AASS: variants seen among roughly 807,000 people sequenced by gnomAD.
AASS encodes alpha-aminoadipic semialdehyde synthase, mitochondrial.
Under a neutral mutation model 105.4 loss-of-function variants are expected in AASS, and 86 were observed. The observed-to-expected ratio is 0.82, with a 90% CI of 0.69 to 0.98. The LOEUF (loss-of-function observed/expected upper bound fraction) is 0.98, where lower values mean the gene tolerates loss of function less well. Among genes scored for constraint, AASS ranks in the 50% least tolerant of loss-of-function variants. AASS has a pLI of 0.00. For missense variants in AASS, 1,048 were observed against 1,143.2 expected (o/e 0.92, Z 1.20); for synonymous variants, 381 against 394.8 (o/e 0.96, Z 0.41).
chr7:122,128,175 C>G (rs1167945303), intron 3 of AASS, among the ~76,000 whole-genome samples: 1 of 152,190 alleles, frequency 6.6e-6, no homozygotes, highest in Non-Finnish European at 1.5e-5. Context: ...ACTTTCTCTT[C>G]CACCATTTCT....
chr7:122,087,957 G>A (rs544811703), intron 18 of AASS, among the ~76,000 whole-genome samples: 24 of 152,226 alleles, frequency 1.6e-4, no homozygotes, highest in African/African-American at 5.5e-4. Flanking sequence ...AATGGCAGGT[G>A]GCTAAGCAAC....
chr7:122,104,948 A>G (rs888574321), intron 11 of AASS, among the ~76,000 whole-genome samples: 1 of 152,084 alleles, frequency 6.6e-6, no homozygotes, highest in Non-Finnish European at 1.5e-5. Context: ...AAAGAGAAAA[A>G]AAAAATAAGC....
At chr7:122,087,580 G>C (rs1031343956) in intron 18 of AASS, among the ~76,000 whole-genome samples, 9 of 152,092 alleles carry the variant, frequency 5.9e-5, no homozygotes, top group African/African-American at 2.2e-4. Flanking sequence ...GCAAATGTTG[G>C]GCATGATGGT....
intron 8 of AASS, among the ~76,000 whole-genome samples, chr7:122,116,080 T>C (rs1323916700): frequency 6.6e-6 from 1 of 152,220 alleles, no homozygotes; most frequent in Non-Finnish European, 1.5e-5. Context: ...CCAATGACTA[T>C]AGAGCACACA....
chr7:122,077,708 G>T, intron 23 of AASS, 130 bp downstream of exon 23: 2 of 1,200,492 alleles, frequency 1.7e-6, no homozygotes, highest in Non-Finnish European at 2.5e-6. Flanking sequence ...GTCCGCGCTT[G>T]GATCTTCTAA....
At chr7:122,100,854 C>G (rs917890638) in intron 13 of AASS, among the ~76,000 whole-genome samples, 3 of 151,800 alleles carry the variant, frequency 2.0e-5, no homozygotes, top group Admixed American at 6.6e-5. Context: ...GGCACCTTCC[C>G]CCTAATAAGA....
chr7:122,109,224 G>A (rs1794818503), intron 11 of AASS, among the ~76,000 whole-genome samples: 1 of 123,164 alleles, frequency 8.1e-6, no homozygotes, highest in African/African-American at 3.3e-5. Flanking sequence ...ACTACCCAAA[G>A]CAATCTACCA....
chr7:122,094,129 A>C (rs1794032767), intron 15 of AASS, among the ~76,000 whole-genome samples: 1 of 152,140 alleles, frequency 6.6e-6, no homozygotes, highest in South Asian at 2.1e-4. Context: ...GCTGAAAAAC[A>C]ACCTACTGGG....
chr7:122,099,839 A>T (rs1794343593), intron 13 of AASS, among the ~76,000 whole-genome samples: 1 of 151,868 alleles, frequency 6.6e-6, no homozygotes, highest in Admixed American at 6.6e-5. Flanking sequence ...CATATTACTG[A>T]TGTGAAGAGG....
chr7:122,133,517 C>A lies in AASS; in HGVS notation c.210G>T (p.Lys70Asn). The part of the protein sequence containing the change: ...QPSNRRAIHD[K>N]DYVKAGGILQ... ...ACATAAAAATATTGGAAATACTCAC[C>A]TTATCATGAATGGCCCGCCGATTCG... is the stretch of plus-strand genomic sequence containing the variant. The change falls in exon 2 of 24, where the codon AAG (lysine) becomes AAT (asparagine). Residue 70 changes from lysine to asparagine, a missense_variant and splice_region_variant. Lys to Asn is a moderately conservative substitution (Grantham distance 94, BLOSUM62 0). Coordinates refer to ENST00000417368, the MANE Select transcript of AASS (RefSeq NM_005763.4). 6.2e-7 allele frequency: 1 copy of A among 1,614,018 alleles called. No individual in the cohort carries two copies. Among genetic ancestry groups the A allele is most frequent in the East Asian group, 2.2e-5 (1 of 44,880 alleles).
intron 23 of AASS, 131 bp downstream of exon 23, chr7:122,077,707 T>G (rs1793090701): frequency 2.5e-6 from 3 of 1,194,018 alleles, no homozygotes; most frequent in South Asian, 2.5e-5. Flanking sequence ...AGTCCGCGCT[T>G]GGATCTTCTA....
chr7:122,112,995 G>T, intron 11 of AASS, 123 bp downstream of exon 11: 1 of 795,862 alleles, frequency 1.3e-6, no homozygotes. Context: ...GTATTTCAGG[G>T]AAGGGCTGGC....
At position 122,076,620 on chromosome 7, in the gene AASS, A is replaced by G; in HGVS notation, c.2663-13T>C. 1 of 1,544,576 alleles carries G rather than the reference A, an allele frequency of 6.5e-7. No individual in the cohort carries two copies. On this transcript the variant is annotated splice_polypyrimidine_tract_variant and intron_variant, in intron 23 of 23. Transcript: ENST00000417368. ...GCTCCAATTTCACCTGGAAGAAAAT[A>G]AATGTGTAATTACCATTTCAAAGGT... is the stretch of plus-strand genomic sequence containing the variant.
In AASS at chr7:122,124,000, C is replaced by T. The variant is rs1227153956; in HGVS notation, c.472+2375G>A. Among the ~76,000 whole-genome samples the T allele has an allele frequency of 2.0e-5, 3 of 152,342 alleles. No individual in the cohort carries two copies. In the East Asian group the frequency reaches 5.8e-4, roughly 29 times the overall value. ...TCCCTCACCCCCTCACTCCTACATC[C>T]AATCAGTCACCACATCCTGTGAATT... is the stretch of plus-strand genomic sequence containing the variant. On this transcript the variant is annotated intron_variant, in intron 4 of 23. Transcript: ENST00000417368.
At chr7:122,099,414 G>C (rs921397065) in intron 13 of AASS, among the ~76,000 whole-genome samples, 1 of 151,830 alleles carries the variant, frequency 6.6e-6, no homozygotes, top group Non-Finnish European at 1.5e-5. Flanking sequence ...ACATGCCATG[G>C]GTTAAATGTA....
In AASS at chr7:122,085,163, G is replaced by A. The variant is rs530345339; in HGVS notation, c.2184+849C>T. Among the ~76,000 whole-genome samples, 29 of 152,258 alleles carry A rather than the reference G, an allele frequency of 1.9e-4. No homozygotes were observed. The East Asian group carries it at 5.0e-3, about 26-fold the overall frequency. On this transcript the variant is annotated intron_variant, in intron 19 of 23. Coordinates refer to ENST00000417368, the MANE Select transcript of AASS (RefSeq NM_005763.4). Reference sequence around the variant, plus strand: ...TGATATGAAACTGATGCACAAATTGGATGGATGTGTCTCAAAGTCAAGCCT... The same window carrying A: ...TGATATGAAACTGATGCACAAATTGAATGGATGTGTCTCAAAGTCAAGCCT...
chr7:122,084,068 G>A (rs1261850712), intron 19 of AASS, among the ~76,000 whole-genome samples: 2 of 151,910 alleles, frequency 1.3e-5, no homozygotes, highest in African/African-American at 4.8e-5. Flanking sequence ...AGACTATACT[G>A]AAAGCTATAT....
rs1793019273 is a variant in AASS at position 122,076,527 on chromosome 7, C to A, written c.2743G>T (p.Gly915Cys). 1 of 1,613,730 alleles carries A rather than the reference C, an allele frequency of 6.2e-7. No individual in the cohort carries two copies. Among genetic ancestry groups the A allele is most frequent in the Admixed American group, 1.7e-5 (1 of 59,994 alleles). ...GTACTCTGTGTAGTATATATAATGC[C>A]TTCTGCTTTAATTCGCTCCAATATT... Reference protein sequence around the residue: ...GPILERIKAEGIIYTTQSTIK... With the variant: ...GPILERIKAECIIYTTQSTIK... The change falls in exon 24 of 24, where the codon GGC becomes TGC. Residue 915 changes from glycine (G) to cysteine (C), a missense_variant. By Grantham distance (159) the Gly-to-Cys change is radical (BLOSUM62 -3). Coordinates refer to ENST00000417368, the MANE Select transcript of AASS (RefSeq NM_005763.4).
chr7:122,108,373 A>T (rs377371443), intron 11 of AASS, among the ~76,000 whole-genome samples: 1 of 152,154 alleles, frequency 6.6e-6, no homozygotes, highest in Non-Finnish European at 1.5e-5. Flanking sequence ...GTAACAAAAA[A>T]AGTAAACTTC....
Sources: allele counts gnomAD v4.1 joint callset (sites outside exome capture counted in the v4.1 genomes callset), GRCh38; gene constraint gnomAD v4.1.1; transcripts MANE v1.5; gene names NCBI Gene and HGNC (gene_info 2026-07-23, HGNC 2026-07-21).